KDELR1: variants seen among roughly 807,000 people sequenced by gnomAD.
The protein encoded by KDELR1 is KDEL endoplasmic reticulum protein retention receptor 1.
KDELR1 carries 16 observed loss-of-function variants against 25.5 expected under a neutral mutation model. That is an observed-to-expected ratio of 0.63 (90% confidence interval 0.43 to 0.95). The LOEUF (loss-of-function observed/expected upper bound fraction) is 0.95, where lower values mean the gene tolerates loss of function less well. Ranked by LOEUF, KDELR1 falls within the 40% of genes least tolerant of loss-of-function variation. KDELR1 has a pLI of 0.00. For synonymous variants in KDELR1, 121 were observed against 115.0 expected, an observed-to-expected ratio of 1.05 and a Z score of -0.33; for missense variants, 159 against 265.2, an observed-to-expected ratio of 0.60 and a Z score of 2.78.
At chr19:48,393,804 G>A (rs1164578963), upstream of KDELR1, among the ~76,000 whole-genome samples, 1 of 152,150 alleles carries the variant, frequency 6.6e-6, no homozygotes, top group Non-Finnish European at 1.5e-5. This position sits in a 1 kb window ranked among gnomAD's most constrained non-coding sequence, Gnocchi z 5.6. Flanking sequence ...GGTGCCTGCT[G>A]GGGGTGTTGC....
At chr19:48,396,933 G>A in the KDELR1 span, among the ~76,000 whole-genome samples, 2 of 152,270 alleles carry the variant, frequency 1.3e-5, no homozygotes, top group Admixed American at 1.3e-4. Flanking sequence ...CAGGAGTCCA[G>A]ACTCCCAGTG....
At chr19:48,391,149 G>T in intron 1 of KDELR1, 119 bp downstream of exon 1, 1 of 833,852 alleles carries the variant, frequency 1.2e-6, no homozygotes, top group Non-Finnish European at 2.0e-6. Context: ...GAGATCCCCA[G>T]CAAGCAGTGG....
chr19:48,390,545 AAGAG>A lies in KDELR1; in HGVS notation c.92-25_92-22del, dbSNP rs200187800. 1.2e-3 allele frequency: 1,428 copies of A among 1,217,056 alleles called. 3 individuals are homozygous for A. The African/African-American group carries it at 0.017, about 15-fold the overall frequency. 75.4% of individuals were successfully genotyped at this position (1,217,056 alleles called of 1,614,324 possible). On this transcript the variant is annotated intron_variant, in intron 1 of 4. Coordinates refer to ENST00000330720, the MANE Select transcript of KDELR1 (RefSeq NM_006801.3). Reference sequence around the variant, plus strand: ...AATTCCTGTGGTCCAGAGACAGAGAAAGAGAGAGAGAGAGAGACAGAGAGAGAGA... The same window carrying A: ...AATTCCTGTGGTCCAGAGACAGAGAAAGAGAGAGAGAGACAGAGAGAGAGA...
At chr19:48,396,345 G>GC (rs1223376538), upstream of KDELR1, among the ~76,000 whole-genome samples, 5 of 151,850 alleles carry the variant, frequency 3.3e-5, no homozygotes, top group African/African-American at 9.7e-5. Context: ...TGAGCATGCA[G>GC]CCCCCGTGAG....
chr19:48,391,677 C>CA (rs933104449), upstream of KDELR1: 30 of 398,906 alleles, frequency 7.5e-5, no homozygotes, highest in East Asian at 1.4e-3. Flanking sequence ...AACGCACCCC[C>CA]AAAGCTGCCC....
rs1327158905 is a variant in KDELR1, at chr19:48,390,463, G to A, written c.153C>T (p.Leu51=). 5.6e-6 allele frequency: 9 copies of A among 1,614,106 alleles called. No homozygotes were observed. Among genetic ancestry groups the A allele is most frequent in the Non-Finnish European group, 7.6e-6 (9 of 1,179,958 alleles). Residue 51 remains leucine (L), a synonymous_variant, in exon 2 of 5, where the codon CTC becomes CTT. Transcript: ENST00000330720. ...AVVFTARYLD[L]FTNYISLYNT... ...TGTAGAGTGAGATGTAGTTGGTGAAGAGGTCCAGATATCGGGCAGTGAACA... is the reference window on the plus strand; with the variant it reads ...TGTAGAGTGAGATGTAGTTGGTGAAAAGGTCCAGATATCGGGCAGTGAACA...
Position 48,384,191 on chromosome 19 carries a change from A to G in KDELR1, c.604+39T>C. 1 of 1,609,486 alleles carries G rather than the reference A, an allele frequency of 6.2e-7. No individual in the cohort carries two copies. Among genetic ancestry groups the G allele is most frequent in the Non-Finnish European group, 8.5e-7 (1 of 1,176,492 alleles). On this transcript the variant is annotated intron_variant, in intron 4 of 4. Transcript: ENST00000330720. This position sits in a 1 kb window ranked among gnomAD's most constrained non-coding sequence, Gnocchi z 4.6. ...CCCAGGGAGGGCAGGAGCTGCAGAA[A>G]TAGGAGGTTCCCTTCCAGCCGTCCC... is the stretch of plus-strand genomic sequence containing the variant.
intron 4 of KDELR1, 71 bp from the exon 5 acceptor site, chr19:48,383,398 C>G: frequency 7.2e-7 from 1 of 1,391,816 alleles, no homozygotes; most frequent in South Asian, 1.2e-5. Context: ...CTCCCACAGC[C>G]AGAGCAGGGC....
chr19:48,390,824 A>AC lies in KDELR1; in HGVS notation c.92-301dup, dbSNP rs1245542430. 11 of 438,788 alleles carry AC rather than the reference A, an allele frequency of 2.5e-5. 1 individual carries two copies. The Admixed American group carries it at 3.8e-4, about 15-fold the overall frequency. 27.2% of individuals were successfully genotyped at this position (438,788 alleles called of 1,614,324 possible). ...CCGTCCCAGACTAGGCCTCATGGCT[A>AC]CCCCTGGCCCCTCAGGGTCCTCCCG... On this transcript the variant is annotated intron_variant, in intron 1 of 4. Coordinates refer to ENST00000330720, the MANE Select transcript of KDELR1 (RefSeq NM_006801.3).
upstream of KDELR1, among the ~76,000 whole-genome samples, chr19:48,391,959 G>GC (rs1970560431): frequency 6.6e-6 from 1 of 151,988 alleles, no homozygotes. Context: ...AGGACTCAAG[G>GC]CCCCAGCCCG....
At chr19:48,393,746 G>T (rs558721016), upstream of KDELR1, among the ~76,000 whole-genome samples, 7 of 152,136 alleles carry the variant, frequency 4.6e-5, no homozygotes, top group Non-Finnish European at 8.8e-5. The surrounding 1 kb of genome is among the most constrained non-coding windows in gnomAD (Gnocchi z 5.6). Flanking sequence ...AGCCGCGGCC[G>T]CCGCCGCCAC....
intron 3 of KDELR1, among the ~76,000 whole-genome samples, chr19:48,388,683 G>A (rs1220901473): frequency 1.4e-5 from 2 of 147,668 alleles, no homozygotes; most frequent in East Asian, 2.0e-4. Flanking sequence ...AGACTTTGTC[G>A]AAAGAGAAAG....
chr19:48,394,392 C>T (rs1970607385), upstream of KDELR1, among the ~76,000 whole-genome samples: 1 of 147,884 alleles, frequency 6.8e-6, no homozygotes, highest in Non-Finnish European at 1.5e-5. The surrounding 1 kb of genome is among the most constrained non-coding windows in gnomAD (Gnocchi z 5.1). Flanking sequence ...TCCTCACACG[C>T]ACACACCAGC....
chr19:48,396,204 G>T (rs1436937542), upstream of KDELR1, among the ~76,000 whole-genome samples: 1 of 151,996 alleles, frequency 6.6e-6, no homozygotes, highest in Non-Finnish European at 1.5e-5. Context: ...TTGTCCAGAG[G>T]CTGGACTCTG....
At chr19:48,394,105 G>A (rs970782428), upstream of KDELR1, among the ~76,000 whole-genome samples, 1 of 152,028 alleles carries the variant, frequency 6.6e-6, no homozygotes, top group African/African-American at 2.4e-5. This position sits in a 1 kb window ranked among gnomAD's most constrained non-coding sequence, Gnocchi z 5.1. Context: ...GGGCGTCCCC[G>A]GCTGCCTGTG....
chr19:48,385,666 C>A (rs757829048), intron 3 of KDELR1, among the ~76,000 whole-genome samples: 6 of 152,212 alleles, frequency 3.9e-5, no homozygotes, highest in Non-Finnish European at 8.8e-5. Flanking sequence ...TGCAGACACA[C>A]TGAAACCTCA....
rs765571785 is a variant in KDELR1, at chr19:48,383,296, T to C, written c.636A>G (p.Ala212=). 5.8e-6 allele frequency: 9 copies of C among 1,552,206 alleles called. No individual in the cohort carries two copies. Among genetic ancestry groups the C allele is most frequent in the Non-Finnish European group, 7.8e-6 (9 of 1,147,238 alleles). The change falls in exon 5 of 5, where the codon GCA becomes GCG. Residue 212 remains alanine (A), a synonymous_variant. Coordinates refer to ENST00000330720, the MANE Select transcript of KDELR1 (RefSeq NM_006801.3). ...AGAGAGATGGAGAGGACCGGGGCTATGCCGGCAAACTCAACTTCTTCCCCT... is the reference window on the plus strand; with the variant it reads ...AGAGAGATGGAGAGGACCGGGGCTACGCCGGCAAACTCAACTTCTTCCCCT... ...VLKGKKLSLP[A]
rs45623635 is a variant in KDELR1, at chr19:48,391,220, C to T, written c.91+48G>A. ...TCCTGAGTCCTGCGACGTCCCCCAA[C>T]CCCCGCCCGCAATCTCTCTCCTTCG... On this transcript the variant is annotated intron_variant, in intron 1 of 4. Transcript: ENST00000330720. 8.1e-3 allele frequency: 12,191 copies of T among 1,510,436 alleles called. 70 individuals carry two copies. The highest frequency in any genetic ancestry group is 0.022 in the Middle Eastern group (127 of 5,886). The allele number at this position is 1,510,436 out of a possible 1,614,324, so 93.6% of individuals were successfully genotyped here.
At chr19:48,388,440 C>G (rs184815739) in intron 3 of KDELR1, among the ~76,000 whole-genome samples, 1 of 152,288 alleles carries the variant, frequency 6.6e-6, no homozygotes, top group Non-Finnish European at 1.5e-5. Flanking sequence ...AATCCCAGCA[C>G]TTTGGGAGGC....
Sources: gnomAD v4.1 joint callset for allele counts (sites outside exome capture counted in the v4.1 genomes callset) on GRCh38, gnomAD v4.1.1 for gene constraint, Gnocchi (gnomAD v3.1) non-coding constraint, MANE v1.5 for transcripts, NCBI Gene and HGNC (gene_info 2026-07-23, HGNC 2026-07-21) for gene names.